MARCHF3: variants seen among roughly 807,000 people sequenced by gnomAD.
The protein encoded by MARCHF3 is membrane associated ring-CH-type finger 3.
A neutral mutation model predicts 24.2 loss-of-function variants in MARCHF3; 13 were observed. That is an observed-to-expected ratio of 0.54 (90% confidence interval 0.35 to 0.85). The LOEUF is 0.85. MARCHF3 is among the 40% of genes least tolerant of loss of function. MARCHF3 has a pLI of 0.01. For missense variants in MARCHF3, 276 were observed against 325.0 expected (o/e 0.85, Z 1.16); for synonymous variants, 144 against 137.3 (o/e 1.05, Z -0.34).
intron 1 of MARCHF3, among the ~76,000 whole-genome samples, chr5:126,982,958 A>G (rs1300776827): frequency 6.6e-6 from 1 of 152,112 alleles, no homozygotes; most frequent in Non-Finnish European, 1.5e-5. Context: ...CATACTGGGG[A>G]CCTTACAGCT....
At chr5:126,907,867 T>C (rs911702337) in intron 3 of MARCHF3, among the ~76,000 whole-genome samples, 1 of 151,942 alleles carries the variant, frequency 6.6e-6, no homozygotes, top group African/African-American at 2.4e-5. Context: ...GTCATTATGA[T>C]GTTAGCTGAT....
At chr5:126,903,400 A>G (rs1754171162) in intron 3 of MARCHF3, among the ~76,000 whole-genome samples, 1 of 152,072 alleles carries the variant, frequency 6.6e-6, no homozygotes, top group African/African-American at 2.4e-5. Flanking sequence ...TACCTTACTC[A>G]CTAGGCTGCG....
chr5:126,890,553 T>C (rs930332849), intron 3 of MARCHF3, among the ~76,000 whole-genome samples: 2 of 151,570 alleles, frequency 1.3e-5, no homozygotes, highest in African/African-American at 4.9e-5. Context: ...TTTTTTGTTC[T>C]TGCGATAGTT....
At position 126,955,799 on chromosome 5, in the gene MARCHF3, A is replaced by G. The variant is rs1162950348; in HGVS notation, c.-56-37572T>C. Among the ~76,000 whole-genome samples, 6 of 152,162 alleles carry G rather than the reference A, an allele frequency of 3.9e-5. No homozygotes were observed. The East Asian group carries it at 1.2e-3, about 29-fold the overall frequency. On this transcript the variant is annotated intron_variant, in intron 1 of 4. Coordinates refer to ENST00000308660, the MANE Select transcript of MARCHF3 (RefSeq NM_178450.5). ...ACTCATAGAGGCTTTTGCATAAAATAGTTTTACTTCTTAGTGTAATCTTTC... is the reference window on the plus strand; with the variant it reads ...ACTCATAGAGGCTTTTGCATAAAATGGTTTTACTTCTTAGTGTAATCTTTC...
At chr5:126,915,535 A>G (rs1047512530) in intron 2 of MARCHF3, among the ~76,000 whole-genome samples, 2 of 152,200 alleles carry the variant, frequency 1.3e-5, no homozygotes, top group African/African-American at 4.8e-5. Flanking sequence ...AAACCAAGAC[A>G]TGTTTGCATA....
chr5:126,935,328 C>A (rs2126806190), intron 1 of MARCHF3, among the ~76,000 whole-genome samples: 1 of 152,156 alleles, frequency 6.6e-6, no homozygotes, highest in African/African-American at 2.4e-5. Flanking sequence ...AAATGCTGAC[C>A]CTCCCCCAAA....
At chr5:126,998,819 A>G (rs1752030165) in intron 1 of MARCHF3, among the ~76,000 whole-genome samples, 1 of 152,206 alleles carries the variant, frequency 6.6e-6, no homozygotes, top group Non-Finnish European at 1.5e-5. Flanking sequence ...GAGAAGCTGT[A>G]AAGATCTGTG....
At chr5:126,883,978 C>A (rs1261023422) in intron 3 of MARCHF3, among the ~76,000 whole-genome samples, 1 of 152,198 alleles carries the variant, frequency 6.6e-6, no homozygotes, top group Non-Finnish European at 1.5e-5. Context: ...CATAGTCTCA[C>A]AGTGTTTACT....
intron 1 of MARCHF3, among the ~76,000 whole-genome samples, chr5:127,026,140 T>C (rs895517423): frequency 2.0e-5 from 3 of 152,024 alleles, no homozygotes; most frequent in African/African-American, 7.2e-5. Context: ...CTTAGAAGCT[T>C]GCAATGACCT....
intron 1 of MARCHF3, among the ~76,000 whole-genome samples, chr5:127,009,395 C>T (rs1443304269): frequency 2.6e-5 from 4 of 152,202 alleles, no homozygotes; most frequent in African/African-American, 9.6e-5. Context: ...GAGATTCCAC[C>T]CATATTCTCT....
At chr5:126,968,055 T>C (rs941199717) in intron 1 of MARCHF3, among the ~76,000 whole-genome samples, 2 of 152,226 alleles carry the variant, frequency 1.3e-5, no homozygotes, top group Admixed American at 6.5e-5. Flanking sequence ...TTCATGTAAA[T>C]GGAATTATAC....
intron 2 of MARCHF3, among the ~76,000 whole-genome samples, chr5:126,917,775 A>C (rs899718385): frequency 7.9e-5 from 12 of 152,088 alleles, no homozygotes; most frequent in East Asian, 7.7e-4. Context: ...TTTGAGGGGA[A>C]ATCTTGATAA....
intron 3 of MARCHF3, among the ~76,000 whole-genome samples, chr5:126,907,995 A>G (rs915564923): frequency 3.3e-5 from 5 of 151,344 alleles, no homozygotes; most frequent in Admixed American, 6.6e-5. Flanking sequence ...TTCCTTCAGG[A>G]GCTCTTTTAG....
Position 127,012,136 on chromosome 5 carries a change from G to A in MARCHF3, c.-57+18214C>T, listed in dbSNP as rs532643645. Among the ~76,000 whole-genome samples, 4 of 152,240 alleles carry A rather than the reference G, an allele frequency of 2.6e-5. No individual in the cohort carries two copies. In the South Asian group the frequency reaches 8.3e-4, roughly 32 times the overall value. On this transcript the variant is annotated intron_variant, in intron 1 of 4. Transcript: ENST00000308660. ...TAGTGACCTACTTGCTATACCATGT[G>A]ATTTTCCAACTGGGGCTTTTGATGC...
chr5:126,914,573 C>G (rs1050097629), intron 3 of MARCHF3: 3 of 343,482 alleles, frequency 8.7e-6, no homozygotes, highest in Middle Eastern at 8.0e-4. Context: ...TCAAGTTGGG[C>G]AGATGGTGCG....
chr5:127,025,523 AC>A (rs758016924), intron 1 of MARCHF3, among the ~76,000 whole-genome samples: 67 of 151,900 alleles, frequency 4.4e-4, no homozygotes, highest in Middle Eastern at 3.4e-3. Context: ...TACCCACCCC[AC>A]CCCTGACCCT....
intron 1 of MARCHF3, among the ~76,000 whole-genome samples, chr5:126,934,624 T>C (rs1008736400): frequency 1.3e-5 from 2 of 151,552 alleles, no homozygotes; most frequent in African/African-American, 4.9e-5. Context: ...TGCACATAAA[T>C]CTCTTTAAGT....
intron 4 of MARCHF3, among the ~76,000 whole-genome samples, chr5:126,873,900 C>T (rs1230063320): frequency 3.3e-5 from 5 of 152,194 alleles, no homozygotes; most frequent in African/African-American, 1.2e-4. Context: ...TGCTACTTCT[C>T]TAGATGCTCC....
At chr5:126,996,904 C>T (rs138489578) in intron 1 of MARCHF3, among the ~76,000 whole-genome samples, 1 of 152,018 alleles carries the variant, frequency 6.6e-6, no homozygotes, top group African/African-American at 2.4e-5. Flanking sequence ...CATTTATGTT[C>T]GCATATATAT....
Sources: gnomAD v4.1 joint callset for allele counts (sites outside exome capture counted in the v4.1 genomes callset) on GRCh38, gnomAD v4.1.1 for gene constraint, MANE v1.5 for transcripts, NCBI Gene and HGNC (gene_info 2026-07-23, HGNC 2026-07-21) for gene names.